Variants in ST3GAL2 observed in about 807,000 individuals in gnomAD.
ST3GAL2 encodes CMP-N-acetylneuraminate-beta-galactosamide-alpha-2,3-sialyltransferase 2.
ST3GAL2 carries 16 observed loss-of-function variants against 37.5 expected under a neutral mutation model. The observed-to-expected ratio is 0.43, with a 90% CI of 0.29 to 0.65. ST3GAL2 has a LOEUF of 0.65. Ranked by LOEUF, ST3GAL2 falls within the 30% of genes least tolerant of loss-of-function variation. ST3GAL2 has a pLI of 0.17. For missense variants in ST3GAL2, 383 were observed against 487.8 expected, an observed-to-expected ratio of 0.79 and a Z score of 2.02; for synonymous variants, 238 against 202.9, an observed-to-expected ratio of 1.17 and a Z score of -1.47.
rs753808922 is a variant in ST3GAL2, at chr16:70,388,361, G to T, written c.713+6C>A. The T allele has an allele frequency of 6.2e-7, 1 of 1,614,068 alleles. No individual in the cohort carries two copies. The highest frequency in any genetic ancestry group is 1.1e-5 in the South Asian group (1 of 91,088). On this transcript the variant is annotated splice_donor_region_variant and intron_variant, in intron 4 of 6. Coordinates refer to ENST00000342907, the MANE Select transcript of ST3GAL2 (RefSeq NM_006927.4). ...CATATTCTACCCAGGCCAGCAAGAAGCTCACAATCGGATCTGCCCCGTGGA... is the reference window on the plus strand; with the variant it reads ...CATATTCTACCCAGGCCAGCAAGAATCTCACAATCGGATCTGCCCCGTGGA...
In ST3GAL2 at chr16:70,388,478, T is replaced by C; in HGVS notation, c.602A>G (p.Tyr201Cys). 1 of 1,613,844 alleles carries C rather than the reference T, an allele frequency of 6.2e-7. No homozygotes were observed. The highest frequency in any genetic ancestry group is 8.5e-7 in the Non-Finnish European group (1 of 1,179,866). The change falls in exon 4 of 7, where the codon TAC (tyrosine) becomes TGC (cysteine). Residue 201 changes from tyrosine (Y) to cysteine (C), a missense_variant. Around this residue, in one of 2 missense-constraint regions of ST3GAL2, gnomAD observed 160 missense variants for 248.6 expected, o/e 0.64. Transcript: ENST00000342907. ...VGSRTTHHFMYPESAKNLPAN... is the reference protein window; with the variant it reads ...VGSRTTHHFMCPESAKNLPAN... ...GGGCAGGTTCTTGGCACTCTCAGGG[T>C]ACATGAAATGGTGGGTGGTTCGGCT...
chr16:70,382,784 C>T, intron 6 of ST3GAL2, 21 bp downstream of exon 6: 1 of 1,613,738 alleles, frequency 6.2e-7, no homozygotes, highest in Non-Finnish European at 8.5e-7. Context: ...TTCCCACCAC[C>T]CACACCACGG....
At chr16:70,408,677 T>C (rs1457430886) in intron 1 of ST3GAL2, among the ~76,000 whole-genome samples, 1 of 151,794 alleles carries the variant, frequency 6.6e-6, no homozygotes, top group Non-Finnish European at 1.5e-5. Flanking sequence ...TTTGACTTTA[T>C]ATCCATCTGA....
chr16:70,402,283 CAAAAAAAAAAA>C (rs1042560583), intron 1 of ST3GAL2, among the ~76,000 whole-genome samples: 9 of 40,714 alleles, frequency 2.2e-4, no homozygotes, highest in South Asian at 9.4e-4. Flanking sequence ...AACTATTTCT[CAAAAAAAAAAA>C]AAAAAAAAAA....
chr16:70,414,118 G>A (rs182810100), intron 1 of ST3GAL2, among the ~76,000 whole-genome samples: 21 of 152,306 alleles, frequency 1.4e-4, no homozygotes, highest in Admixed American at 2.6e-4. Flanking sequence ...AATTTACAGT[G>A]CCATCCTGAC....
intron 1 of ST3GAL2, among the ~76,000 whole-genome samples, chr16:70,424,993 GCA>G (rs1302665121): frequency 6.6e-6 from 1 of 152,148 alleles, no homozygotes; most frequent in Non-Finnish European, 1.5e-5. Context: ...GGGTTACAGG[GCA>G]CAGAGATGGC....
intron 1 of ST3GAL2, among the ~76,000 whole-genome samples, chr16:70,426,181 CTTTTTTTT>C (rs56342720): frequency 1.0e-5 from 1 of 99,512 alleles, no homozygotes; most frequent in South Asian, 3.5e-4. Flanking sequence ...GGGCCAAAGC[CTTTTTTTT>C]TTTTTTTTTT....
At chr16:70,433,421 C>T (rs940410466) in intron 1 of ST3GAL2, among the ~76,000 whole-genome samples, 4 of 152,160 alleles carry the variant, frequency 2.6e-5, no homozygotes, top group Non-Finnish European at 5.9e-5. Context: ...TTATCCAGCA[C>T]CTGTCTGGAC....
At chr16:70,420,341 A>G (rs2047706637) in intron 1 of ST3GAL2, among the ~76,000 whole-genome samples, 1 of 151,210 alleles carries the variant, frequency 6.6e-6, no homozygotes, top group Non-Finnish European at 1.5e-5. Context: ...CACTCCTAAA[A>G]GGTCCAGTCA....
chr16:70,403,591 A>G (rs1045533320), intron 1 of ST3GAL2, among the ~76,000 whole-genome samples: 1 of 152,210 alleles, frequency 6.6e-6, no homozygotes, highest in African/African-American at 2.4e-5. Flanking sequence ...AGGCGGGCGG[A>G]TCATGAGGTC....
At chr16:70,416,339 T>C (rs1164182562) in intron 1 of ST3GAL2, among the ~76,000 whole-genome samples, 1 of 152,200 alleles carries the variant, frequency 6.6e-6, no homozygotes, top group African/African-American at 2.4e-5. Flanking sequence ...CTCTAAGGTT[T>C]ACAAACTAAT....
At chr16:70,388,198 A>G (rs1421390986) in intron 4 of ST3GAL2, among the ~76,000 whole-genome samples, 169 bp downstream of exon 4, 2 of 151,494 alleles carry the variant, frequency 1.3e-5, no homozygotes, top group East Asian at 3.9e-4. Context: ...AGGAGGTGAC[A>G]CAGAGCAAGC....
At chr16:70,438,283 TG>T (rs770877126) in intron 1 of ST3GAL2, among the ~76,000 whole-genome samples, 2 of 152,012 alleles carry the variant, frequency 1.3e-5, no homozygotes, top group East Asian at 1.9e-4. Context: ...GGGGAATGAC[TG>T]GGGGTAAGAA....
rs192954353 is a variant in ST3GAL2, at chr16:70,427,647, T to G, written c.-1004+11302A>C. ...CCACTGCGCCTGGCCAAACCCAGTA[T>G]TCTTTCTGTATTCCCAATTTCTGGG... On this transcript the variant is annotated intron_variant, in intron 1 of 6. Transcript: ENST00000342907. Among the ~76,000 whole-genome samples, 4 of 152,294 alleles carry G rather than the reference T, an allele frequency of 2.6e-5. No homozygotes were observed. In the East Asian group the frequency reaches 7.7e-4, roughly 29 times the overall value.
At chr16:70,405,778 C>T (rs925941713) in intron 1 of ST3GAL2, among the ~76,000 whole-genome samples, 1 of 151,810 alleles carries the variant, frequency 6.6e-6, no homozygotes, top group African/African-American at 2.4e-5. Context: ...AAGCCACTGA[C>T]AGCCAGGCGC....
At position 70,377,314 on chromosome 16, in the gene ST3GAL2, C is replaced by G. The variant is rs2047356357; in HGVS notation, c.*4375G>C. ...TGACCAACATGGAGAAACCCCGTCTCTACTAAAAATACAAAATTAGCCGGG... is the reference window on the plus strand; with the variant it reads ...TGACCAACATGGAGAAACCCCGTCTGTACTAAAAATACAAAATTAGCCGGG... On this transcript the variant is annotated 3_prime_UTR_variant, in exon 7 of 7. Transcript: ENST00000342907. 1 of 150,732 alleles carries G rather than the reference C, an allele frequency of 6.6e-6. No individual in the cohort carries two copies. Among genetic ancestry groups the G allele is most frequent in the Non-Finnish European group, 1.5e-5 (1 of 67,876 alleles). The allele number at this position is 150,732 out of a possible 1,614,324, so 9.3% of individuals were successfully genotyped here.
rs1461685327 is a variant in ST3GAL2 at position 70,420,017 on chromosome 16, C to CG, written c.-1004+18931_-1004+18932insC. ...CACCACAACTGACCATTTGACCCCC[C>CG]CCTTCCCTTTTTTTTTTTTTTTTTT... is the stretch of plus-strand genomic sequence containing the variant. On this transcript the variant is annotated intron_variant, in intron 1 of 6. Transcript: ENST00000342907. 2.4e-4 allele frequency among the ~76,000 whole-genome samples: 36 copies of CG among 149,410 alleles called. 1 individual carries two copies. Among genetic ancestry groups the CG allele is most frequent in the Non-Finnish European group, 4.7e-4 (32 of 67,792 alleles).
chr16:70,405,068 TA>T, intron 1 of ST3GAL2, among the ~76,000 whole-genome samples: 2 of 151,880 alleles, frequency 1.3e-5, no homozygotes, highest in Non-Finnish European at 2.9e-5. Flanking sequence ...ACAAATGATT[TA>T]TAGCAGCATT....
Position 70,399,402 on chromosome 16 carries a change from T to A in ST3GAL2, c.-872A>T, listed in dbSNP as rs893620447. 1.3e-5 allele frequency: 5 copies of A among 398,646 alleles called. No individual in the cohort carries two copies. The highest frequency in any genetic ancestry group is 1.8e-5 in the Non-Finnish European group (4 of 226,236). The allele number at this position is 398,646 out of a possible 1,614,324, so 24.7% of individuals were successfully genotyped here. A position where few individuals can be genotyped will look rare whatever the true frequency, so the allele number is the denominator to read the frequency against. The stretch of plus-strand genomic sequence containing the variant: ...GCTCCCTACCAGGGTCCAGGTCTCC[T>A]TCCTAATACTCCTGGCCCAGGTTCT... On this transcript the variant is annotated 5_prime_UTR_variant, in exon 2 of 7. It adds an upstream start codon to the 5' untranslated region. Transcript: ENST00000342907.
Sources: allele counts gnomAD v4.1 joint callset (sites outside exome capture counted in the v4.1 genomes callset), GRCh38; gene constraint gnomAD v4.1.1; regional missense constraint gnomAD v4.1.1; transcripts MANE v1.5; gene names NCBI Gene and HGNC (gene_info 2026-07-23, HGNC 2026-07-21).